The following KIF16B variants were observed in gnomAD, a reference collection of about 807,000 sequenced individuals.
The protein encoded by KIF16B is kinesin-like protein KIF16B.
A neutral mutation model predicts 156.3 loss-of-function variants in KIF16B; 98 were observed. The observed-to-expected ratio is 0.63, with a 90% CI of 0.53 to 0.74. KIF16B has a LOEUF of 0.74. Among genes scored for constraint, KIF16B ranks in the 30% least tolerant of loss-of-function variants. The pLI is 0.00. For synonymous variants in KIF16B, 564 were observed against 583.7 expected (o/e 0.97, Z 0.49); for missense variants, 1,421 against 1,606.5 (o/e 0.88, Z 1.97).
intron 25 of KIF16B, among the ~76,000 whole-genome samples, chr20:16,299,549 T>G (rs972350234): frequency 1.3e-5 from 2 of 152,202 alleles, no homozygotes; most frequent in Admixed American, 6.5e-5. Flanking sequence ...CATCCAACAC[T>G]CTTAGGTAAA....
intron 1 of KIF16B, among the ~76,000 whole-genome samples, chr20:16,549,286 C>T (rs1239449927): frequency 2.7e-5 from 4 of 150,296 alleles, no homozygotes; most frequent in South Asian, 2.1e-4. Flanking sequence ...TGAGAATATG[C>T]GGTGTTTGGT....
intron 17 of KIF16B, among the ~76,000 whole-genome samples, chr20:16,403,493 T>C (rs1277871890): frequency 6.6e-6 from 1 of 152,178 alleles, no homozygotes. Flanking sequence ...GAGCACAACT[T>C]TCCTCAATGA....
At chr20:16,337,196 G>T (rs1185634435) in intron 23 of KIF16B, among the ~76,000 whole-genome samples, 1 of 152,176 alleles carries the variant, frequency 6.6e-6, no homozygotes. Flanking sequence ...CACGGGCCAT[G>T]CTCCTTTATG....
At chr20:16,286,573 T>A (rs1175503589) in intron 25 of KIF16B, among the ~76,000 whole-genome samples, 2 of 152,184 alleles carry the variant, frequency 1.3e-5, no homozygotes, top group Non-Finnish European at 2.9e-5. Context: ...ATCTTTCTCC[T>A]ATACTTATTC....
At chr20:16,281,922 C>T (rs532363463) in intron 25 of KIF16B, among the ~76,000 whole-genome samples, 3 of 152,166 alleles carry the variant, frequency 2.0e-5, no homozygotes, top group Admixed American at 6.5e-5. Flanking sequence ...TGTGTACTGA[C>T]TCCCTTCTCT....
At chr20:16,312,253 T>C (rs2063630026) in intron 25 of KIF16B, 82 bp downstream of exon 25, 7 of 946,362 alleles carry the variant, frequency 7.4e-6, no homozygotes, top group South Asian at 1.5e-5. Context: ...AGAAATTTAA[T>C]AGTATTTAAC....
chr20:16,483,601 A>G (rs2068037813), intron 12 of KIF16B, among the ~76,000 whole-genome samples: 1 of 152,212 alleles, frequency 6.6e-6, no homozygotes, highest in Non-Finnish European at 1.5e-5. Flanking sequence ...TGTGCTGGAC[A>G]CTGCCCTCAG....
intron 12 of KIF16B, among the ~76,000 whole-genome samples, chr20:16,477,867 G>GC: frequency 6.6e-6 from 1 of 152,138 alleles, no homozygotes; most frequent in African/African-American, 2.4e-5. Context: ...GGAGGAAGCA[G>GC]AGCAGCAGAA....
intron 1 of KIF16B, among the ~76,000 whole-genome samples, chr20:16,551,437 T>C (rs1262438800): frequency 6.6e-6 from 1 of 152,170 alleles, no homozygotes; most frequent in Non-Finnish European, 1.5e-5. Context: ...CCGAGGCGCT[T>C]TCTCTCTCCT....
intron 1 of KIF16B, among the ~76,000 whole-genome samples, chr20:16,551,428 C>T (rs971477640): frequency 2.0e-5 from 3 of 152,190 alleles, no homozygotes; most frequent in South Asian, 2.1e-4. Context: ...TGTGCCTGGC[C>T]GAGGCGCTTT....
At chr20:16,368,433 C>A in intron 22 of KIF16B, 1 of 986,532 alleles carries the variant, frequency 1.0e-6, no homozygotes, top group Non-Finnish European at 1.2e-6. Flanking sequence ...GGGCTAAGTG[C>A]TTCAGAAATG....
At chr20:16,300,509 A>C (rs950183027) in intron 25 of KIF16B, among the ~76,000 whole-genome samples, 3 of 151,644 alleles carry the variant, frequency 2.0e-5, no homozygotes, top group Non-Finnish European at 2.9e-5. Context: ...TTTCTTTTTT[A>C]TTTTTATTTT....
At chr20:16,423,282 C>A (rs6080255) in intron 15 of KIF16B, among the ~76,000 whole-genome samples, 14,512 of 152,126 alleles carry the variant, frequency 0.095, 879 homozygotes, top group East Asian at 0.36. Flanking sequence ...CAAATGTTGA[C>A]TAGTTCTGTG....
At chr20:16,444,384 AT>A (rs898522063) in intron 12 of KIF16B, among the ~76,000 whole-genome samples, 3 of 152,292 alleles carry the variant, frequency 2.0e-5, no homozygotes, top group East Asian at 1.9e-4. Flanking sequence ...AAAAAAAAAA[AT>A]CAAAAGAAGA....
intron 15 of KIF16B, among the ~76,000 whole-genome samples, chr20:16,425,957 G>A (rs935282848): frequency 3.3e-5 from 5 of 152,134 alleles, no homozygotes; most frequent in African/African-American, 1.2e-4. Context: ...AGGAAGCAAG[G>A]CATGTCTTCT....
intron 1 of KIF16B, among the ~76,000 whole-genome samples, chr20:16,554,150 A>G (rs1328771573): frequency 6.6e-6 from 1 of 152,172 alleles, no homozygotes; most frequent in Admixed American, 6.5e-5. Flanking sequence ...ACTGAGGAGG[A>G]CATGAAGCCT....
At chr20:16,461,579 A>G (rs1363866433) in intron 12 of KIF16B, among the ~76,000 whole-genome samples, 1 of 152,198 alleles carries the variant, frequency 6.6e-6, no homozygotes, top group African/African-American at 2.4e-5. Context: ...ACAACTCAAG[A>G]CCACACTGAG....
chr20:16,294,340 CAGTATTGAGG>C (rs2122520872), intron 25 of KIF16B, among the ~76,000 whole-genome samples: 1 of 152,178 alleles, frequency 6.6e-6, no homozygotes, highest in African/African-American at 2.4e-5. Context: ...GAGCCTGAGG[CAGTATTGAGG>C]AGTAATGGTG....
At chr20:16,557,630 T>A (rs1242520989) in intron 1 of KIF16B, among the ~76,000 whole-genome samples, 1 of 152,154 alleles carries the variant, frequency 6.6e-6, no homozygotes, top group Non-Finnish European at 1.5e-5. Flanking sequence ...GCTCACAAAA[T>A]GAGCAAGTGG....
Sources: gnomAD v4.1 joint callset for allele counts (sites outside exome capture counted in the v4.1 genomes callset) on GRCh38, gnomAD v4.1.1 for gene constraint, MANE v1.5 for transcripts, NCBI Gene and HGNC (gene_info 2026-07-23, HGNC 2026-07-21) for gene names.